The following AGBL4 variants were observed in gnomAD, a reference collection of about 807,000 sequenced individuals.
The protein encoded by AGBL4 is cytosolic carboxypeptidase 6.
AGBL4 carries 58 observed loss-of-function variants against 66.4 expected under a neutral mutation model. The observed-to-expected ratio is 0.87, with a 90% CI of 0.71 to 1.09. The LOEUF (loss-of-function observed/expected upper bound fraction) is 1.09. Among genes scored for constraint, AGBL4 ranks in the 50% least tolerant of loss-of-function variants. AGBL4 has a pLI of 0.00. For synonymous variants in AGBL4, 234 were observed against 222.9 expected (o/e 1.05, Z -0.44); for missense variants, 579 against 631.0 (o/e 0.92, Z 0.88).
chr1:49,563,282 T>A (rs557263186), intron 3 of AGBL4, among the ~76,000 whole-genome samples: 13 of 152,216 alleles, frequency 8.5e-5, no homozygotes, highest in Non-Finnish European at 1.2e-4. Flanking sequence ...CCTCTTTTCC[T>A]AATTGAATGC....
chr1:49,427,010 T>C (rs2148651281), intron 3 of AGBL4, among the ~76,000 whole-genome samples: 1 of 152,290 alleles, frequency 6.6e-6, no homozygotes, highest in Admixed American at 6.5e-5. Context: ...ACAACTTTCC[T>C]CTCGTGAGCT....
intron 3 of AGBL4, among the ~76,000 whole-genome samples, chr1:49,377,963 A>ACATGCCTTGTCTCCCAACACAAACTT (rs1644506200): frequency 6.6e-6 from 1 of 151,994 alleles, no homozygotes; most frequent in Non-Finnish European, 1.5e-5. Context: ...TGTACATCTT[A>ACATGCCTTGTCTCCCAACACAAACTT]CATGCCTTGT....
chr1:49,713,337 G>C (rs530821826), intron 2 of AGBL4, among the ~76,000 whole-genome samples: 5 of 152,050 alleles, frequency 3.3e-5, no homozygotes, highest in African/African-American at 9.6e-5. Context: ...GTTTATTTTT[G>C]CTATTAATTT....
At chr1:49,632,033 A>G (rs1302353108) in intron 3 of AGBL4, among the ~76,000 whole-genome samples, 6 of 152,182 alleles carry the variant, frequency 3.9e-5, no homozygotes, top group African/African-American at 1.2e-4. Flanking sequence ...TGAGTGACAC[A>G]TTTTTATGGC....
rs72890099 is a variant in AGBL4 at position 48,848,581 on chromosome 1, G to A, written c.634+18610C>T. ...TCTATAATACAACATTTTTTTTTCC[G>A]AAAGAAATGAAAGGGCATTGAAATC... On this transcript the variant is annotated intron_variant, in intron 6 of 13. Transcript: ENST00000371839. 1.6e-3 allele frequency among the ~76,000 whole-genome samples: 245 copies of A among 151,512 alleles called. 4 individuals are homozygous for A. The highest frequency in any genetic ancestry group is 5.6e-3 in the African/African-American group (232 of 41,352).
At chr1:49,185,028 T>C (rs372079183) in intron 4 of AGBL4, among the ~76,000 whole-genome samples, 4 of 152,330 alleles carry the variant, frequency 2.6e-5, no homozygotes, top group South Asian at 2.1e-4. Context: ...ACAATAATCG[T>C]TGGCATTAAA....
intron 2 of AGBL4, among the ~76,000 whole-genome samples, chr1:49,719,098 A>T (rs2124681782): frequency 6.6e-6 from 1 of 152,286 alleles, no homozygotes. Flanking sequence ...GATTCTATAA[A>T]AGAAGGAAAC....
intron 3 of AGBL4, among the ~76,000 whole-genome samples, chr1:49,438,558 T>C (rs997174150): frequency 1.3e-5 from 2 of 152,116 alleles, no homozygotes; most frequent in Non-Finnish European, 2.9e-5. Flanking sequence ...AAGAGGCCAA[T>C]GGACATCGCC....
At chr1:49,643,713 G>C (rs1240859650) in intron 3 of AGBL4, among the ~76,000 whole-genome samples, 1 of 151,512 alleles carries the variant, frequency 6.6e-6, no homozygotes, top group East Asian at 1.9e-4. Context: ...TTTCAACCTA[G>C]AATTCTATAT....
intron 6 of AGBL4, among the ~76,000 whole-genome samples, chr1:48,750,757 G>C (rs891272935): frequency 6.6e-6 from 1 of 152,224 alleles, no homozygotes; most frequent in African/African-American, 2.4e-5. Context: ...TGAGCTTCTT[G>C]TCTCTAGTGG....
chr1:48,725,228 G>A (rs747457713), intron 6 of AGBL4, among the ~76,000 whole-genome samples: 10 of 152,052 alleles, frequency 6.6e-5, no homozygotes, highest in Non-Finnish European at 1.2e-4. Flanking sequence ...TTTAATGAAG[G>A]TCTTCTAATG....
intron 2 of AGBL4, among the ~76,000 whole-genome samples, chr1:49,742,963 C>G (rs975159470): frequency 5.3e-4 from 80 of 152,034 alleles, no homozygotes; most frequent in African/African-American, 1.6e-3. Context: ...AAAAAACCTA[C>G]GCAATACCAT....
intron 9 of AGBL4, among the ~76,000 whole-genome samples, chr1:48,609,758 T>C (rs991344851): frequency 5.9e-5 from 9 of 152,198 alleles, no homozygotes; most frequent in African/African-American, 2.2e-4. Context: ...TTCATGATCT[T>C]CTCCATACCT....
chr1:48,664,156 A>G (rs980088504), intron 6 of AGBL4, among the ~76,000 whole-genome samples: 1 of 152,208 alleles, frequency 6.6e-6, no homozygotes, highest in African/African-American at 2.4e-5. Context: ...AAGAAGCCTC[A>G]CTGAGATTCA....
chr1:49,160,576 C>G (rs1006524906), intron 4 of AGBL4, among the ~76,000 whole-genome samples: 2 of 152,174 alleles, frequency 1.3e-5, no homozygotes, highest in African/African-American at 4.8e-5. Context: ...AGTTCGAACA[C>G]TGTGCTGGGA....
intron 9 of AGBL4, among the ~76,000 whole-genome samples, chr1:48,602,993 A>T (rs1645096885): frequency 1.3e-5 from 2 of 152,226 alleles, no homozygotes; most frequent in African/African-American, 4.8e-5. Context: ...TGAAGGAACC[A>T]TTCAATTAGT....
At chr1:49,433,802 G>A (rs1293446500) in intron 3 of AGBL4, among the ~76,000 whole-genome samples, 1 of 152,134 alleles carries the variant, frequency 6.6e-6, no homozygotes, top group Non-Finnish European at 1.5e-5. Context: ...TATTTGTCAT[G>A]AGGATTGGGT....
intron 6 of AGBL4, among the ~76,000 whole-genome samples, chr1:48,753,681 T>G (rs1008474656): frequency 2.6e-5 from 4 of 152,228 alleles, no homozygotes; most frequent in Non-Finnish European, 4.4e-5. Context: ...CAGGACATTT[T>G]CTCTTCTTTT....
rs1647682883 is a variant in AGBL4, at chr1:49,711,742, T to A, written c.158-14305A>T. Among the ~76,000 whole-genome samples, 4 of 152,174 alleles carry A rather than the reference T, an allele frequency of 2.6e-5. No individual in the cohort carries two copies. In the South Asian group the frequency reaches 8.3e-4, roughly 32 times the overall value. On this transcript the variant is annotated intron_variant, in intron 2 of 13. Transcript: ENST00000371839. ...GTTCAGTTACACAGTACTTTAATAA[T>A]TTTAAAAAATACTTATACCTCTCCA...
Sources: gnomAD v4.1 joint callset for allele counts (sites outside exome capture counted in the v4.1 genomes callset) on GRCh38, gnomAD v4.1.1 for gene constraint, MANE v1.5 for transcripts, NCBI Gene and HGNC (gene_info 2026-07-23, HGNC 2026-07-21) for gene names.